DLC1: variants seen among roughly 807,000 people sequenced by gnomAD.
The protein encoded by DLC1 is rho GTPase-activating protein 7.
A neutral mutation model predicts 140.3 loss-of-function variants in DLC1; 54 were observed. That is an observed-to-expected ratio of 0.38 (90% CI 0.31 to 0.48). The LOEUF is 0.48. Ranked by LOEUF, DLC1 falls within the 20% of genes least tolerant of loss-of-function variation. DLC1 has a pLI of 0.96. For missense variants in DLC1, 2,536 were observed against 1,907.0 expected, an observed-to-expected ratio of 1.33 and a Z score of -6.14; for synonymous variants, 986 against 728.1, an observed-to-expected ratio of 1.35 and a Z score of -5.70.
chr8:13,375,714 CTG>C (rs1282835024), intron 4 of DLC1, among the ~76,000 whole-genome samples: 1 of 118,306 alleles, frequency 8.5e-6, no homozygotes, highest in Non-Finnish European at 1.8e-5. Flanking sequence ...TCAATGATGA[CTG>C]TTATTTTATT....
chr8:13,221,744 A>G lies in DLC1; in HGVS notation c.1348+83525T>C, dbSNP rs972230263. ...TGTGTGTGTATATATATATATATATATGATAAACCATTATATATAATATTA... is the reference window on the plus strand; with the variant it reads ...TGTGTGTGTATATATATATATATATGTGATAAACCATTATATATAATATTA... On this transcript the variant is annotated intron_variant, in intron 5 of 17. Coordinates refer to ENST00000276297, the MANE Select transcript of DLC1 (RefSeq NM_182643.3). Among the ~76,000 whole-genome samples the G allele has an allele frequency of 2.8e-5, 4 of 142,648 alleles. 1 individual carries two copies. Among genetic ancestry groups the G allele is most frequent in the South Asian group, 4.3e-4 (2 of 4,622 alleles). The allele number at this position is 142,648 out of a possible 152,430, so 93.6% of individuals were successfully genotyped here.
chr8:13,386,783 A>G (rs1361480665), intron 4 of DLC1, among the ~76,000 whole-genome samples: 1 of 150,388 alleles, frequency 6.6e-6, no homozygotes, highest in Non-Finnish European at 1.5e-5. Context: ...TCACTGAACA[A>G]TTTCCTTTTT....
At chr8:13,467,456 T>TTC (rs1799991966) in intron 2 of DLC1, among the ~76,000 whole-genome samples, 1 of 151,596 alleles carries the variant, frequency 6.6e-6, no homozygotes, top group South Asian at 2.1e-4. Context: ...TATATTCCTT[T>TTC]TTTTTTCTTT....
chr8:13,115,211 T>C (rs1820447657), intron 6 of DLC1, among the ~76,000 whole-genome samples: 1 of 151,934 alleles, frequency 6.6e-6, no homozygotes, highest in African/African-American at 2.4e-5. Flanking sequence ...CAATATTAAG[T>C]GAAAAATAAA....
intron 5 of DLC1, among the ~76,000 whole-genome samples, chr8:13,271,349 G>C (rs778391209): frequency 3.3e-5 from 5 of 152,182 alleles, no homozygotes; most frequent in African/African-American, 7.2e-5. Context: ...ACAGTTCACA[G>C]GAGTCAATGT....
intron 1 of DLC1, chr8:13,536,257 G>C (rs551062391): frequency 3.3e-5 from 5 of 152,316 alleles, no homozygotes; most frequent in African/African-American, 9.6e-5. Flanking sequence ...TCCACGGAGA[G>C]ACAAATAACA....
chr8:13,580,578 C>T (rs1226507009), intron 1 of DLC1, among the ~76,000 whole-genome samples: 1 of 152,162 alleles, frequency 6.6e-6, no homozygotes, highest in Non-Finnish European at 1.5e-5. Context: ...TCCCTGAAGT[C>T]ATCTTGCAGA....
chr8:13,508,882 T>C (rs930941953), intron 1 of DLC1, among the ~76,000 whole-genome samples: 1 of 152,220 alleles, frequency 6.6e-6, no homozygotes, highest in East Asian at 1.9e-4. Context: ...AATTCATTAA[T>C]GAATAATTAT....
intron 2 of DLC1, among the ~76,000 whole-genome samples, chr8:13,456,660 T>G (rs753569728): frequency 1.3e-5 from 2 of 152,120 alleles, no homozygotes; most frequent in African/African-American, 4.8e-5. Context: ...GGTTTCACCA[T>G]GTGGGCCAGG....
At chr8:13,468,945 C>T (rs984671396) in intron 2 of DLC1, among the ~76,000 whole-genome samples, 1 of 151,510 alleles carries the variant, frequency 6.6e-6, no homozygotes, top group African/African-American at 2.4e-5. Context: ...CTCAGCCTCC[C>T]GAATAGCTGG....
At chr8:13,491,703 T>C (rs2088151882) in intron 2 of DLC1, among the ~76,000 whole-genome samples, 1 of 152,180 alleles carries the variant, frequency 6.6e-6, no homozygotes, top group South Asian at 2.1e-4. Context: ...ATCCAGATTT[T>C]ACATGATTCC....
At chr8:13,173,206 G>A (rs1355721391) in intron 5 of DLC1, among the ~76,000 whole-genome samples, 4 of 152,116 alleles carry the variant, frequency 2.6e-5, no homozygotes, top group Non-Finnish European at 2.9e-5. Flanking sequence ...TTGCAAACCA[G>A]TGAAGGAAAG....
chr8:13,108,776 G>A (rs1819804442), intron 7 of DLC1, among the ~76,000 whole-genome samples: 1 of 152,118 alleles, frequency 6.6e-6, no homozygotes, highest in South Asian at 2.1e-4. Context: ...CAGCAGTGAT[G>A]GATTGAAAAC....
intron 4 of DLC1, among the ~76,000 whole-genome samples, chr8:13,307,186 G>A (rs535412601): frequency 2.7e-5 from 4 of 149,446 alleles, no homozygotes; most frequent in Admixed American, 1.3e-4. Context: ...TCTACATTTC[G>A]TTGTTCAGCA....
chr8:13,520,881 C>G (rs1802744541), intron 1 of DLC1, among the ~76,000 whole-genome samples: 1 of 152,122 alleles, frequency 6.6e-6, no homozygotes, highest in Non-Finnish European at 1.5e-5. Flanking sequence ...GTACCACCCT[C>G]CAGTCACCAC....
intron 5 of DLC1, among the ~76,000 whole-genome samples, chr8:13,124,923 C>A (rs759040591): frequency 6.6e-6 from 1 of 152,094 alleles, no homozygotes; most frequent in Non-Finnish European, 1.5e-5. Flanking sequence ...TGTAAATTTA[C>A]GAAAGTTTTA....
chr8:13,333,286 C>T (rs1407111866), intron 4 of DLC1, among the ~76,000 whole-genome samples: 1 of 152,168 alleles, frequency 6.6e-6, no homozygotes, highest in Non-Finnish European at 1.5e-5. Context: ...AGTGCAGTGG[C>T]ACAATCATAG....
At chr8:13,389,427 T>C (rs1446799076) in intron 4 of DLC1, among the ~76,000 whole-genome samples, 2 of 152,090 alleles carry the variant, frequency 1.3e-5, no homozygotes, top group Non-Finnish European at 2.9e-5. Flanking sequence ...AAGAGTCTAG[T>C]ACGAAAGGCA....
chr8:13,541,044 TGA>T (rs1489020753), intron 1 of DLC1, among the ~76,000 whole-genome samples: 1 of 152,340 alleles, frequency 6.6e-6, no homozygotes, highest in East Asian at 1.9e-4. Flanking sequence ...TTAGCTCTAT[TGA>T]GTTATAATTT....
Sources: gnomAD v4.1 joint callset for allele counts (sites outside exome capture counted in the v4.1 genomes callset) on GRCh38, gnomAD v4.1.1 for gene constraint, MANE v1.5 for transcripts, NCBI Gene and HGNC (gene_info 2026-07-23, HGNC 2026-07-21) for gene names.